The following FOXN3 variants were observed in gnomAD, a reference collection of about 807,000 sequenced individuals.
FOXN3 encodes forkhead box protein N3.
Under a neutral mutation model 38.4 loss-of-function variants are expected in FOXN3, and 7 were observed. The observed-to-expected ratio is 0.18, with a 90% CI of 0.10 to 0.34. The LOEUF (loss-of-function observed/expected upper bound fraction) is 0.34. Among genes scored for constraint, FOXN3 ranks in the 10% least tolerant of loss-of-function variants. FOXN3 has a pLI of 1.00. For missense variants in FOXN3, 456 were observed against 613.4 expected, an observed-to-expected ratio of 0.74 and a Z score of 2.71; for synonymous variants, 230 against 242.2, an observed-to-expected ratio of 0.95 and a Z score of 0.47.
intron 1 of FOXN3, among the ~76,000 whole-genome samples, chr14:89,493,204 A>T (rs1197828728): frequency 6.6e-6 from 1 of 152,232 alleles, no homozygotes; most frequent in Non-Finnish European, 1.5e-5. Flanking sequence ...GAATAATAAA[A>T]CTATGAGGTA....
intron 1 of FOXN3, among the ~76,000 whole-genome samples, chr14:89,555,838 G>GGTGTGTGTGTGT (rs201016882): frequency 0.014 from 1,257 of 89,660 alleles, 88 homozygotes; most frequent in African/African-American, 0.027. Context: ...TCTAGTTCAT[G>GGTGTGTGTGTGT]GTGTGTGTGT....
intron 3 of FOXN3, among the ~76,000 whole-genome samples, chr14:89,292,211 C>G (rs1886895652): frequency 6.6e-6 from 1 of 152,218 alleles, no homozygotes; most frequent in African/African-American, 2.4e-5. Flanking sequence ...CCTCCCTCCA[C>G]TACCCCTTGT....
At chr14:89,316,940 C>T (rs913274703) in intron 3 of FOXN3, among the ~76,000 whole-genome samples, 7 of 152,188 alleles carry the variant, frequency 4.6e-5, no homozygotes, top group Admixed American at 6.5e-5. Flanking sequence ...GCTGGGATTA[C>T]AGGAGTGAGC....
chr14:89,588,003 C>T (rs184000381), intron 1 of FOXN3, among the ~76,000 whole-genome samples: 42 of 151,738 alleles, frequency 2.8e-4, no homozygotes, highest in Non-Finnish European at 6.0e-4. Context: ...AATCTCATGT[C>T]AAATTGTAAT....
At chr14:89,235,461 A>C (rs749270713) in intron 4 of FOXN3, among the ~76,000 whole-genome samples, 3 of 152,202 alleles carry the variant, frequency 2.0e-5, no homozygotes, top group Non-Finnish European at 4.4e-5. Context: ...TCCAAAAAAG[A>C]GGATGACACC....
At chr14:89,305,177 T>C (rs1386967807) in intron 3 of FOXN3, among the ~76,000 whole-genome samples, 1 of 152,186 alleles carries the variant, frequency 6.6e-6, no homozygotes, top group Non-Finnish European at 1.5e-5. Flanking sequence ...CTGTACCCAC[T>C]GAGGGCCACT....
intron 4 of FOXN3, among the ~76,000 whole-genome samples, chr14:89,213,195 G>A (rs144465349): frequency 2.6e-5 from 4 of 152,256 alleles, no homozygotes; most frequent in African/African-American, 9.6e-5. Context: ...AGCATTGCCT[G>A]GAGACAACCT....
intron 1 of FOXN3, among the ~76,000 whole-genome samples, chr14:89,439,804 C>T (rs546646641): frequency 6.7e-6 from 1 of 149,280 alleles, no homozygotes; most frequent in South Asian, 2.1e-4. Context: ...TACAGGCGCC[C>T]GCCACCACGC....
At chr14:89,399,312 G>A (rs1891186602) in intron 2 of FOXN3, among the ~76,000 whole-genome samples, 1 of 152,174 alleles carries the variant, frequency 6.6e-6, no homozygotes, top group Non-Finnish European at 1.5e-5. Context: ...AGTGTGAGAA[G>A]GCAGGAATCA....
chr14:89,523,771 G>GT (rs59929919), intron 1 of FOXN3, among the ~76,000 whole-genome samples: 13 of 150,970 alleles, frequency 8.6e-5, no homozygotes, highest in South Asian at 2.1e-4. Context: ...CTTTCTTTAT[G>GT]TTTTTTTTTG....
At chr14:89,402,504 T>TG (rs1023107329) in intron 2 of FOXN3, among the ~76,000 whole-genome samples, 4 of 152,214 alleles carry the variant, frequency 2.6e-5, no homozygotes, top group African/African-American at 9.6e-5. Flanking sequence ...ACATTTAACT[T>TG]GGGGTTCCAA....
chr14:89,263,537 T>C (rs1885874138), intron 4 of FOXN3: 1 of 152,236 alleles, frequency 6.6e-6, no homozygotes, highest in Non-Finnish European at 1.5e-5. Context: ...TGTGTTTCGC[T>C]CAGCTCTAAA....
chr14:89,307,160 C>T (rs1887402571), intron 3 of FOXN3, among the ~76,000 whole-genome samples: 2 of 152,156 alleles, frequency 1.3e-5, no homozygotes, highest in Admixed American at 6.5e-5. Flanking sequence ...GACTGTCCTA[C>T]CAAAATTTCC....
intron 1 of FOXN3, among the ~76,000 whole-genome samples, chr14:89,503,268 T>C (rs1893840451): frequency 6.6e-6 from 1 of 152,080 alleles, no homozygotes; most frequent in African/African-American, 2.4e-5. Context: ...CTGGAAACAT[T>C]GTTCCTTCTA....
At chr14:89,241,318 T>G (rs1885133516) in intron 4 of FOXN3, among the ~76,000 whole-genome samples, 1 of 152,230 alleles carries the variant, frequency 6.6e-6, no homozygotes, top group South Asian at 2.1e-4. Flanking sequence ...ATTTTCCATT[T>G]CAGGCCAACT....
intron 3 of FOXN3, among the ~76,000 whole-genome samples, chr14:89,312,284 C>CAAAAAAAAAAAAAA (rs59949946): frequency 0.01 from 618 of 60,284 alleles, 70 homozygotes; most frequent in African/African-American, 0.025. Context: ...GACTCGGTCT[C>CAAAAAAAAAAAAAA]AAAAAAAAAA....
rs1443582080 is a variant in FOXN3 at position 89,159,216 on chromosome 14, G to A, written c.*3198C>T. The stretch of plus-strand genomic sequence containing the variant: ...TTCTCCAATAAATTCACTACAAACA[G>A]CCACATACACATTGATACTTTTTGT... On this transcript the variant is annotated 3_prime_UTR_variant, in exon 6 of 6. Transcript: ENST00000557258. The A allele has an allele frequency of 6.6e-6, 1 of 152,598 alleles. No individual in the cohort carries two copies. The highest frequency in any genetic ancestry group is 1.5e-5 in the Non-Finnish European group (1 of 68,046). The allele number at this position is 152,598 out of a possible 1,614,324, so 9.5% of individuals were successfully genotyped here. A position where few individuals can be genotyped will look rare whatever the true frequency, so the allele number is the denominator to read the frequency against.
chr14:89,167,136 C>CTAT (rs1887263774), intron 5 of FOXN3, among the ~76,000 whole-genome samples: 1 of 152,200 alleles, frequency 6.6e-6, no homozygotes. Flanking sequence ...AAACCACGTG[C>CTAT]TATTCATCTC....
intron 4 of FOXN3, among the ~76,000 whole-genome samples, chr14:89,245,002 A>G (rs188135349): frequency 3.9e-5 from 6 of 152,342 alleles, no homozygotes; most frequent in Non-Finnish European, 4.4e-5. Context: ...GGTGTGGTGG[A>G]AGTAACAAAG....
Sources: allele counts gnomAD v4.1 joint callset (sites outside exome capture counted in the v4.1 genomes callset), GRCh38; gene constraint gnomAD v4.1.1; transcripts MANE v1.5; gene names NCBI Gene and HGNC (gene_info 2026-07-23, HGNC 2026-07-21).